The following ZNF280D variants were observed in gnomAD, a reference collection of about 807,000 sequenced individuals.
ZNF280D encodes suppressor of hairy wing homolog 4.
Under a neutral mutation model 94.7 loss-of-function variants are expected in ZNF280D, and 39 were observed. The observed-to-expected ratio is 0.41, with a 90% CI of 0.32 to 0.54. ZNF280D has a LOEUF of 0.54. Ranked by LOEUF, ZNF280D falls within the 20% of genes least tolerant of loss-of-function variation. ZNF280D has a pLI of 0.22. For missense variants in ZNF280D, 1,090 were observed against 1,149.3 expected, an observed-to-expected ratio of 0.95 and a Z score of 0.75; for synonymous variants, 398 against 377.6, an observed-to-expected ratio of 1.05 and a Z score of -0.63.
chr15:56,704,496 T>C (rs1007636332), intron 3 of ZNF280D, among the ~76,000 whole-genome samples: 9 of 152,178 alleles, frequency 5.9e-5, no homozygotes, highest in Admixed American at 3.3e-4. Context: ...CAGTAGTTAT[T>C]TACCGTAGAC....
intron 6 of ZNF280D, among the ~76,000 whole-genome samples, chr15:56,695,798 G>C (rs1449306938): frequency 6.6e-6 from 1 of 152,066 alleles, no homozygotes; most frequent in Non-Finnish European, 1.5e-5. Flanking sequence ...AAAGTGCTGG[G>C]ATTACAGGTG....
chr15:56,698,217 T>C (rs1354601425), intron 6 of ZNF280D: 2 of 152,212 alleles, frequency 1.3e-5, no homozygotes, highest in Admixed American at 1.3e-4. Flanking sequence ...CATACTTTTG[T>C]AGTATATATA....
intron 16 of ZNF280D, among the ~76,000 whole-genome samples, chr15:56,659,373 T>C (rs552527573): frequency 6.6e-6 from 1 of 151,964 alleles, no homozygotes; most frequent in African/African-American, 2.4e-5. Flanking sequence ...CAGCTTACAG[T>C]TGTCCCTCCT....
intron 20 of ZNF280D, among the ~76,000 whole-genome samples, chr15:56,642,025 C>T (rs1185877690): frequency 6.6e-6 from 1 of 151,512 alleles, no homozygotes; most frequent in African/African-American, 2.4e-5. Flanking sequence ...GATATCACTG[C>T]AGATTCCAAA....
rs1204582237 is a variant in ZNF280D at position 56,666,451 on chromosome 15, A to G, written c.1938T>C (p.Cys646=). Residue 646 remains cysteine (C), a synonymous_variant, in exon 16 of 22, where the codon TGT becomes TGC. Transcript: ENST00000267807. ...FANHFPTYVH[C]SFCRYNTSCS... Reference sequence around the variant, plus strand: ...AGCTAGTGTTGTATCTGCAAAAACTACAGTGGACGTACGTAGGAAAGTGGT... The same window carrying G: ...AGCTAGTGTTGTATCTGCAAAAACTGCAGTGGACGTACGTAGGAAAGTGGT... 1 of 1,605,696 alleles carries G rather than the reference A, an allele frequency of 6.2e-7. No individual in the cohort carries two copies. Among genetic ancestry groups the G allele is most frequent in the Non-Finnish European group, 8.5e-7 (1 of 1,177,632 alleles).
chr15:56,655,255 G>A (rs558310739), intron 17 of ZNF280D, among the ~76,000 whole-genome samples: 5 of 152,218 alleles, frequency 3.3e-5, no homozygotes, highest in African/African-American at 4.8e-5. Flanking sequence ...TCACCCAGGC[G>A]GGAGTGCAGT....
intron 13 of ZNF280D, among the ~76,000 whole-genome samples, chr15:56,673,862 T>C (rs1187765291): frequency 6.6e-6 from 1 of 152,056 alleles, no homozygotes; most frequent in Non-Finnish European, 1.5e-5. Context: ...GAGAGGCCCA[T>C]GTTTGAACAT....
intron 1 of ZNF280D, among the ~76,000 whole-genome samples, chr15:56,723,900 A>G (rs931511637): frequency 6.6e-6 from 1 of 152,228 alleles, no homozygotes. Context: ...CGAACATCAC[A>G]GCTTAGTCTA....
intron 1 of ZNF280D, among the ~76,000 whole-genome samples, chr15:56,731,246 T>G (rs1472904834): frequency 2.0e-5 from 3 of 152,132 alleles, no homozygotes; most frequent in Admixed American, 2.0e-4. Flanking sequence ...CTCACATCTG[T>G]AATCCCAGCA....
intron 21 of ZNF280D, 47 bp downstream of exon 21, chr15:56,635,148 T>C (rs1273627644): frequency 1.6e-6 from 2 of 1,230,150 alleles, no homozygotes; most frequent in African/African-American, 3.1e-5. Flanking sequence ...TCAAGTGTTA[T>C]TTTGTATACT....
Position 56,642,930 on chromosome 15 carries a change from TATA to T in ZNF280D, c.2259+19_2259+21del, listed in dbSNP as rs772865739. 2.7e-4 allele frequency: 394 copies of T among 1,476,920 alleles called. No individual in the cohort carries two copies. The highest frequency in any genetic ancestry group is 3.3e-4 in the Non-Finnish European group (372 of 1,115,412). 91.5% of individuals were successfully genotyped at this position (1,476,920 alleles called of 1,614,324 possible). On this transcript the variant is annotated intron_variant, in intron 20 of 21. Transcript: ENST00000267807. ...CTTTCAAATGTATAAACCTTTAAGG[TATA>T]AAGTAAAACAAACTTTACCTTAGAC...
In ZNF280D at chr15:56,689,156, A is replaced by T; in HGVS notation, c.671-6T>A. 6.3e-7 allele frequency: 1 copy of T among 1,599,168 alleles called. No homozygotes were observed. Among genetic ancestry groups the T allele is most frequent in the Non-Finnish European group, 8.5e-7 (1 of 1,172,516 alleles). Reference sequence around the variant, plus strand: ...ATTTGATGAGGTATTTGTACCTAAAATAAATTCAGAACATTTATGACTCAA... The same window carrying T: ...ATTTGATGAGGTATTTGTACCTAAATTAAATTCAGAACATTTATGACTCAA... On this transcript the variant is annotated splice_region_variant and splice_polypyrimidine_tract_variant and intron_variant, in intron 8 of 21. Coordinates refer to ENST00000267807, the MANE Select transcript of ZNF280D (RefSeq NM_017661.4).
At chr15:56,677,492 C>G (rs369014493) in intron 12 of ZNF280D, 82 bp downstream of exon 12, 2 of 950,242 alleles carry the variant, frequency 2.1e-6, no homozygotes, top group East Asian at 2.7e-5. Context: ...GTTTGCTGAC[C>G]GCTGGTCTAA....
chr15:56,709,058 A>G (rs1404365346), intron 1 of ZNF280D, among the ~76,000 whole-genome samples: 2 of 152,154 alleles, frequency 1.3e-5, no homozygotes, highest in African/African-American at 4.8e-5. Flanking sequence ...AACTACCATC[A>G]GAGTGAACAG....
intron 3 of ZNF280D, among the ~76,000 whole-genome samples, chr15:56,706,391 T>C (rs1268914822): frequency 2.0e-5 from 3 of 151,288 alleles, no homozygotes; most frequent in Non-Finnish European, 2.9e-5. Flanking sequence ...GGCGGGAGAA[T>C]CACTTGAGCC....
intron 6 of ZNF280D, chr15:56,700,723 G>T: frequency 6.9e-7 from 1 of 1,459,174 alleles, no homozygotes; most frequent in African/African-American, 1.4e-5. Context: ...CATACTGCCT[G>T]TTATTAACAG....
At chr15:56,729,629 A>C (rs981030487) in intron 1 of ZNF280D, 11 of 152,220 alleles carry the variant, frequency 7.2e-5, no homozygotes, top group Non-Finnish European at 1.5e-4. Context: ...GACTGATATT[A>C]GTTCAGAGTA....
intron 1 of ZNF280D, among the ~76,000 whole-genome samples, chr15:56,710,297 G>A (rs1365158494): frequency 6.6e-6 from 1 of 152,158 alleles, no homozygotes; most frequent in Non-Finnish European, 1.5e-5. Context: ...CCAGCTACTT[G>A]GGAAGCTGAG....
intron 17 of ZNF280D, 61 bp downstream of exon 17, chr15:56,658,363 A>T: frequency 7.7e-7 from 1 of 1,297,940 alleles, no homozygotes; most frequent in South Asian, 1.3e-5. Flanking sequence ...TGTTGTGTTA[A>T]AAAAAATTTA....
Sources: gnomAD v4.1 joint callset for allele counts (sites outside exome capture counted in the v4.1 genomes callset) on GRCh38, gnomAD v4.1.1 for gene constraint, MANE v1.5 for transcripts, NCBI Gene and HGNC (gene_info 2026-07-23, HGNC 2026-07-21) for gene names.